The following COBL variants were observed in gnomAD, a reference collection of about 807,000 sequenced individuals.
COBL encodes the protein protein cordon-bleu.
In COBL, 51 loss-of-function variants were observed where a neutral mutation model predicts 98.8. The observed-to-expected ratio is 0.52, with a 90% CI of 0.41 to 0.65. COBL has a LOEUF of 0.65. COBL is among the 30% of genes least tolerant of loss of function. The pLI, the probability that COBL is intolerant of heterozygous loss-of-function variation, is 0.00. For missense variants in COBL, 1,617 were observed against 1,617.5 expected (o/e 1.00, Z 0.01); for synonymous variants, 634 against 651.7 (o/e 0.97, Z 0.41).
chr7:51,255,189 C>T (rs1350482516), intron 1 of COBL, among the ~76,000 whole-genome samples: 1 of 152,112 alleles, frequency 6.6e-6, no homozygotes, highest in Non-Finnish European at 1.5e-5. Context: ...ATACATGATG[C>T]AATTAAGAGA....
At chr7:51,232,063 TC>T (rs1341037539) in intron 1 of COBL, among the ~76,000 whole-genome samples, 1 of 152,072 alleles carries the variant, frequency 6.6e-6, no homozygotes, top group Non-Finnish European at 1.5e-5. Context: ...CTTCCTAACC[TC>T]TGAGAAATAG....
Position 51,030,858 on chromosome 7 carries a change from A to G in COBL, c.1458T>C (p.Ala486=), listed in dbSNP as rs1320384478. 1 of 1,597,742 alleles carries G rather than the reference A, an allele frequency of 6.3e-7. No homozygotes were observed. The highest frequency in any genetic ancestry group is 8.5e-7 in the Non-Finnish European group (1 of 1,175,622). ...ASNDEEDLLI[A]GEFRKTLAEL... ...CTGCAAGGGTTTTACGGAACTCTCC[A>G]GCAATTAATAGGTCTTCTTCATCAT... Residue 486 remains alanine (A), a synonymous_variant, in exon 9 of 13, where the codon GCT becomes GCC. Coordinates refer to ENST00000265136, the MANE Select transcript of COBL (RefSeq NM_015198.5).
chr7:51,033,232 C>T (rs1392986716), intron 8 of COBL: 1 of 152,126 alleles, frequency 6.6e-6, no homozygotes, highest in African/African-American at 2.4e-5. Context: ...TGTGGAAATA[C>T]ATATCAAAAA....
intron 7 of COBL, among the ~76,000 whole-genome samples, chr7:51,076,123 C>T (rs1035631714): frequency 2.0e-5 from 3 of 152,158 alleles, no homozygotes; most frequent in Non-Finnish European, 2.9e-5. Flanking sequence ...GAATGCTTCC[C>T]AGGGCTTGCT....
At chr7:51,154,107 T>C (rs1785849321) in intron 5 of COBL, among the ~76,000 whole-genome samples, 6 of 152,208 alleles carry the variant, frequency 3.9e-5, no homozygotes, top group Admixed American at 3.3e-4. Context: ...CAACAGCCTC[T>C]GAATCCAAGC....
At chr7:51,063,136 CTCT>C (rs1056081719) in intron 7 of COBL, among the ~76,000 whole-genome samples, 7 of 71,564 alleles carry the variant, frequency 9.8e-5, no homozygotes, top group Middle Eastern at 0.01. Flanking sequence ...CATTTTCTCT[CTCT>C]TTTTTTTTTT....
chr7:51,223,336 C>T (rs995015333), intron 1 of COBL, among the ~76,000 whole-genome samples: 2 of 152,224 alleles, frequency 1.3e-5, no homozygotes, highest in Non-Finnish European at 2.9e-5. Flanking sequence ...GTCACACTAA[C>T]AAAATGAATT....
chr7:51,178,314 T>C (rs1788610708), intron 5 of COBL, among the ~76,000 whole-genome samples: 2 of 152,102 alleles, frequency 1.3e-5, no homozygotes, highest in Non-Finnish European at 2.9e-5. Flanking sequence ...TAAATGGGTA[T>C]AGGAAGTTAG....
In COBL at chr7:51,209,063, A is replaced by AC. The variant is rs1368047486; in HGVS notation, c.245+10677_245+10678insG. 5.1e-3 allele frequency among the ~76,000 whole-genome samples: 701 copies of AC among 138,310 alleles called. 11 individuals are homozygous for AC. The highest frequency in any genetic ancestry group is 0.017 in the African/African-American group (656 of 38,884). 90.7% of individuals were successfully genotyped at this position (138,310 alleles called of 152,430 possible). ...TGATCAATTAAAAAAAAAAAAAAAA[A>AC]AAAAAAAAACATTTGCAAAGCCCTA... On this transcript the variant is annotated intron_variant, in intron 2 of 12. Transcript: ENST00000265136.
rs568361080 is a variant in COBL at position 51,111,450 on chromosome 7, A to C, written c.957+24708T>G. On this transcript the variant is annotated intron_variant, in intron 6 of 12. Transcript: ENST00000265136. ...TTGGAAAGAAGCTTGGTTTGTATTC[A>C]CTGTCACTAGCTGCATAATTGTAAG... is the stretch of plus-strand genomic sequence containing the variant. Among the ~76,000 whole-genome samples the C allele has an allele frequency of 1.5e-4, 23 of 152,296 alleles. No homozygotes were observed. In the South Asian group the frequency reaches 4.6e-3, roughly 30 times the overall value.
chr7:51,208,501 G>A (rs1490037697), intron 2 of COBL, among the ~76,000 whole-genome samples: 1 of 151,674 alleles, frequency 6.6e-6, no homozygotes, highest in Non-Finnish European at 1.5e-5. Flanking sequence ...CCTCTGCCCG[G>A]CTGCCCCTGC....
In COBL at chr7:51,136,195, C is replaced by T. The variant is rs1387438369; in HGVS notation, c.920G>A (p.Gly307Asp). Residue 307 changes from glycine (G) to aspartate (D), a missense_variant, in exon 6 of 13, where the codon GGT (glycine) becomes GAT (aspartate). Physicochemically the swap from Gly to Asp is moderately conservative, Grantham distance 94. Coordinates refer to ENST00000265136, the MANE Select transcript of COBL (RefSeq NM_015198.5). ...CTTGTCTTGCACAGGTGGCCCTGAA[C>T]CTGGAGGAGGAGGGGCTCGGCGCTT... is the stretch of plus-strand genomic sequence containing the variant. ...MKKRRAPPPP[G>D]SGPPVQDKAS... 6.2e-7 allele frequency: 1 copy of T among 1,612,888 alleles called. No homozygotes were observed. Among genetic ancestry groups the T allele is most frequent in the South Asian group, 1.1e-5 (1 of 91,016 alleles).
At position 51,136,430 on chromosome 7, in the gene COBL, A is replaced by T. The variant is rs572270232; in HGVS notation, c.784-99T>A. ...GACAAAGTTCCAATCCGTCCACCTG[A>T]GCTTGAACGGCAGCTGTTTCTACAG... On this transcript the variant is annotated intron_variant, in intron 5 of 12. Coordinates refer to ENST00000265136, the MANE Select transcript of COBL (RefSeq NM_015198.5). 66 of 1,258,234 alleles carry T rather than the reference A, an allele frequency of 5.2e-5. No individual in the cohort carries two copies. In the Admixed American group the frequency reaches 6.6e-4, roughly 13 times the overall value. The allele number at this position is 1,258,234 out of a possible 1,614,324, so 77.9% of individuals were successfully genotyped here.
At chr7:51,041,840 C>T (rs1439714641) in intron 8 of COBL, among the ~76,000 whole-genome samples, 3 of 152,148 alleles carry the variant, frequency 2.0e-5, no homozygotes, top group Non-Finnish European at 4.4e-5. Context: ...AGTTCTTACA[C>T]TTATCTAAAA....
intron 5 of COBL, among the ~76,000 whole-genome samples, chr7:51,181,647 A>T (rs965258790): frequency 6.6e-6 from 1 of 152,226 alleles, no homozygotes. Context: ...CTTGGCCCAG[A>T]TAAACTATCT....
rs147386078 is a variant in COBL at position 51,243,261 on chromosome 7, G to A, written c.42-23317C>T. Among the ~76,000 whole-genome samples the A allele has an allele frequency of 7.7e-3, 1,174 of 152,300 alleles. 15 individuals carry two copies. The highest frequency in any genetic ancestry group is 0.026 in the African/African-American group (1,098 of 41,562). ...CACTGATGTGAAGGCAGCTGTGTGCGGGGAGCAGAAGTACTGGAGCTGACG... is the reference window on the plus strand; with the variant it reads ...CACTGATGTGAAGGCAGCTGTGTGCAGGGAGCAGAAGTACTGGAGCTGACG... On this transcript the variant is annotated intron_variant, in intron 1 of 12. Coordinates refer to ENST00000265136, the MANE Select transcript of COBL (RefSeq NM_015198.5).
At chr7:51,230,629 A>G (rs1398026744) in intron 1 of COBL, among the ~76,000 whole-genome samples, 1 of 152,144 alleles carries the variant, frequency 6.6e-6, no homozygotes, top group East Asian at 1.9e-4. Context: ...CTTGAGTCCC[A>G]TTTCCACACA....
At chr7:51,239,462 C>A (rs559945632) in intron 1 of COBL, among the ~76,000 whole-genome samples, 40 of 152,240 alleles carry the variant, frequency 2.6e-4, no homozygotes, top group African/African-American at 8.9e-4. Flanking sequence ...AATTGCCCAC[C>A]CCTTTCCAGG....
intron 6 of COBL, among the ~76,000 whole-genome samples, chr7:51,113,027 G>C (rs1796974607): frequency 6.6e-6 from 1 of 152,176 alleles, no homozygotes; most frequent in Non-Finnish European, 1.5e-5. Context: ...TTCCGGAAAT[G>C]ATAAAAATCC....
Sources: allele counts gnomAD v4.1 joint callset (sites outside exome capture counted in the v4.1 genomes callset), GRCh38; gene constraint gnomAD v4.1.1; transcripts MANE v1.5; gene names NCBI Gene and HGNC (gene_info 2026-07-23, HGNC 2026-07-21).